Variants in FRMD4B observed in about 807,000 individuals in gnomAD.
The protein encoded by FRMD4B is FERM domain-containing protein 4B.
Under a neutral mutation model 141.5 loss-of-function variants are expected in FRMD4B, and 74 were observed. That is an observed-to-expected ratio of 0.52 (90% CI 0.43 to 0.63). The LOEUF (loss-of-function observed/expected upper bound fraction) is 0.63. FRMD4B is among the 30% of genes least tolerant of loss of function. FRMD4B has a pLI of 0.00. For synonymous variants in FRMD4B, 506 were observed against 467.9 expected (o/e 1.08, Z -1.05); for missense variants, 1,366 against 1,253.4 (o/e 1.09, Z -1.36).
At chr3:69,299,488 C>T (rs1400678603) in intron 4 of FRMD4B, among the ~76,000 whole-genome samples, 1 of 152,114 alleles carries the variant, frequency 6.6e-6, no homozygotes, top group Non-Finnish European at 1.5e-5. Flanking sequence ...ACCCCTCCCT[C>T]CATGGCATTA....
intron 1 of FRMD4B, among the ~76,000 whole-genome samples, chr3:69,486,695 T>C (rs1706221439): frequency 6.6e-6 from 1 of 152,078 alleles, no homozygotes; most frequent in South Asian, 2.1e-4. Context: ...GAGGAAAGCA[T>C]AAAAGAAGCC....
chr3:69,245,895 T>C (rs1430263514), intron 7 of FRMD4B, among the ~76,000 whole-genome samples: 2 of 140,426 alleles, frequency 1.4e-5, no homozygotes, highest in African/African-American at 5.4e-5. Context: ...TGGAGTGCAA[T>C]GGTGTGATCT....
At chr3:69,341,139 A>C (rs1027158127) in intron 1 of FRMD4B, among the ~76,000 whole-genome samples, 2 of 152,194 alleles carry the variant, frequency 1.3e-5, no homozygotes, top group African/African-American at 4.8e-5. Context: ...GAATACTGTA[A>C]AGCAAGATGA....
At chr3:69,275,921 T>G (rs2093615900) in intron 5 of FRMD4B, among the ~76,000 whole-genome samples, 1 of 152,214 alleles carries the variant, frequency 6.6e-6, no homozygotes, top group African/African-American at 2.4e-5. Context: ...TATATTTTTA[T>G]ATTTCTTCCT....
intron 7 of FRMD4B, among the ~76,000 whole-genome samples, chr3:69,241,615 GTT>G (rs1559745420): frequency 1.3e-5 from 2 of 152,158 alleles, no homozygotes; most frequent in Admixed American, 1.3e-4. Flanking sequence ...AAAGAAACTG[GTT>G]GGGTGCAGTC....
chr3:69,269,208 C>G (rs181612964), intron 5 of FRMD4B, among the ~76,000 whole-genome samples: 1 of 151,814 alleles, frequency 6.6e-6, no homozygotes, highest in African/African-American at 2.4e-5. Context: ...GGATTACAGG[C>G]GTTAGCCACT....
chr3:69,435,278 A>T (rs1705242815), intron 1 of FRMD4B, among the ~76,000 whole-genome samples: 2 of 152,178 alleles, frequency 1.3e-5, no homozygotes, highest in South Asian at 4.2e-4. Flanking sequence ...ATCAACCTTC[A>T]GTGTCATTCA....
chr3:69,413,691 G>A (rs1180380175), intron 2 of FRMD4B, among the ~76,000 whole-genome samples: 2 of 152,112 alleles, frequency 1.3e-5, no homozygotes, highest in African/African-American at 2.4e-5. Flanking sequence ...TTTAGAGTTT[G>A]ACTTGATTGC....
In FRMD4B at chr3:69,385,816, G is replaced by A. The variant is rs1704237232; in HGVS notation, c.162+12C>T. On this transcript the variant is annotated intron_variant, in intron 1 of 22. Transcript: ENST00000398540. The stretch of plus-strand genomic sequence containing the variant: ...CTGCTGGGGCCCTCGGGTGCCGCGC[G>A]CTCCAGCTCACCTGGTACACGTCCT... 3.3e-6 allele frequency: 5 copies of A among 1,537,168 alleles called. No homozygotes were observed. Among genetic ancestry groups the A allele is most frequent in the East Asian group, 2.4e-5 (1 of 41,070 alleles).
At chr3:69,347,285 T>C (rs1254651483) in intron 1 of FRMD4B, among the ~76,000 whole-genome samples, 1 of 152,170 alleles carries the variant, frequency 6.6e-6, no homozygotes, top group Non-Finnish European at 1.5e-5. Context: ...GAGCTAACTA[T>C]CCTAAATATA....
At chr3:69,531,741 C>T (rs1266610703) in intron 1 of FRMD4B, among the ~76,000 whole-genome samples, 2 of 152,186 alleles carry the variant, frequency 1.3e-5, no homozygotes, top group Admixed American at 1.3e-4. Flanking sequence ...GACCAAAGAT[C>T]AGTTTCCAGT....
At chr3:69,423,542 A>G (rs1201766957) in intron 2 of FRMD4B, among the ~76,000 whole-genome samples, 2 of 152,198 alleles carry the variant, frequency 1.3e-5, no homozygotes, top group African/African-American at 4.8e-5. Context: ...CCCCCTAAGC[A>G]TAGTGCTGAA....
At chr3:69,209,862 GT>G (rs1198489429) in intron 11 of FRMD4B, among the ~76,000 whole-genome samples, 1 of 152,210 alleles carries the variant, frequency 6.6e-6, no homozygotes, top group African/African-American at 2.4e-5. Flanking sequence ...AATTTCAGCA[GT>G]GTCAGAAGTA....
chr3:69,536,627 C>T, intron 1 of FRMD4B: 1 of 1,002,832 alleles, frequency 1.0e-6, no homozygotes, highest in Non-Finnish European at 1.6e-6. Flanking sequence ...ATTCAGGAGA[C>T]CTGGATGATC....
At chr3:69,525,327 G>C (rs963298790) in intron 1 of FRMD4B, among the ~76,000 whole-genome samples, 13 of 152,196 alleles carry the variant, frequency 8.5e-5, no homozygotes, top group African/African-American at 2.9e-4. Context: ...GAGGTGGCTG[G>C]GTCTTTGTGC....
intron 8 of FRMD4B, among the ~76,000 whole-genome samples, chr3:69,223,275 G>C (rs760051310): frequency 1.3e-5 from 2 of 152,078 alleles, no homozygotes; most frequent in African/African-American, 2.4e-5. Context: ...CAGCACTTTG[G>C]GAGGCCGAGG....
Position 69,250,281 on chromosome 3 carries a change from CTGTGTGTGCGTGTGTG to C in FRMD4B, c.502-198_502-183del, listed in dbSNP as rs754424604. ...CTCATTGAGGGTTAAGGCGAAACCA[CTGTGTGTGCGTGTGTG>C]TGTGTGTGTGTGTGTGTGTGTCTAT... On this transcript the variant is annotated intron_variant, in intron 5 of 22. Transcript: ENST00000398540. 2.5e-5 allele frequency: 13 copies of C among 511,656 alleles called. No individual in the cohort carries two copies. The African/African-American group carries it at 2.6e-4, about 10-fold the overall frequency. The allele number at this position is 511,656 out of a possible 1,614,324, so 31.7% of individuals were successfully genotyped here. A position where few individuals can be genotyped will look rare whatever the true frequency, so the allele number is the denominator to read the frequency against.
chr3:69,358,172 G>C (rs1464868617), intron 1 of FRMD4B, among the ~76,000 whole-genome samples: 1 of 152,138 alleles, frequency 6.6e-6, no homozygotes, highest in African/African-American at 2.4e-5. Flanking sequence ...TTGGATACCT[G>C]ATGATTTTTC....
At chr3:69,526,134 T>C (rs1482347138) in intron 1 of FRMD4B, among the ~76,000 whole-genome samples, 2 of 152,156 alleles carry the variant, frequency 1.3e-5, no homozygotes, top group African/African-American at 2.4e-5. Context: ...ATACAACATA[T>C]GCACCTACAA....
Sources: gnomAD v4.1 joint callset for allele counts (sites outside exome capture counted in the v4.1 genomes callset) on GRCh38, gnomAD v4.1.1 for gene constraint, MANE v1.5 for transcripts, NCBI Gene and HGNC (gene_info 2026-07-23, HGNC 2026-07-21) for gene names.